The following NALF1 variants were observed in gnomAD, a reference collection of about 807,000 sequenced individuals.
The protein encoded by NALF1 is family with sequence similarity 155 member A.
A neutral mutation model predicts 48.4 loss-of-function variants in NALF1; 3 were observed. That is an observed-to-expected ratio of 0.06 (90% CI 0.03 to 0.16). The LOEUF (loss-of-function observed/expected upper bound fraction) is 0.16, where lower values mean the gene tolerates loss of function less well. Ranked by LOEUF, NALF1 falls within the 10% of genes least tolerant of loss-of-function variation. NALF1 has a pLI of 1.00. For synonymous variants in NALF1, 262 were observed against 245.7 expected (o/e 1.07, Z -0.62); for missense variants, 526 against 571.5 (o/e 0.92, Z 0.81).
chr13:107,403,376 CA>C (rs1566327433), intron 1 of NALF1, among the ~76,000 whole-genome samples: 2 of 151,574 alleles, frequency 1.3e-5, no homozygotes, highest in East Asian at 3.9e-4. Context: ...TCTGACAGAG[CA>C]AATTTTCAGT....
chr13:107,836,249 C>T (rs1879885653), intron 1 of NALF1, among the ~76,000 whole-genome samples: 1 of 152,118 alleles, frequency 6.6e-6, no homozygotes, highest in South Asian at 2.1e-4. Context: ...CCTTGGCATC[C>T]TAAAGTTCTG....
intron 1 of NALF1, among the ~76,000 whole-genome samples, chr13:107,388,278 A>G (rs1280225088): frequency 6.6e-6 from 1 of 152,228 alleles, no homozygotes; most frequent in Non-Finnish European, 1.5e-5. Context: ...TATGCAGAAT[A>G]CTTTATGTCT....
chr13:107,541,166 C>T (rs1876988355), intron 1 of NALF1, among the ~76,000 whole-genome samples: 1 of 152,058 alleles, frequency 6.6e-6, no homozygotes, highest in Non-Finnish European at 1.5e-5. Context: ...ATTCAACTGT[C>T]AAAAAATAAA....
At chr13:107,296,261 G>A (rs909281872) in intron 1 of NALF1, among the ~76,000 whole-genome samples, 4 of 152,278 alleles carry the variant, frequency 2.6e-5, no homozygotes, top group South Asian at 4.1e-4. Context: ...GATTTAATCC[G>A]TGATAGTGTT....
At chr13:107,617,609 A>G (rs1457767084) in intron 1 of NALF1, among the ~76,000 whole-genome samples, 2 of 152,218 alleles carry the variant, frequency 1.3e-5, no homozygotes, top group Non-Finnish European at 2.9e-5. Flanking sequence ...TTGAGAAGAC[A>G]ACAACTAACT....
chr13:107,561,527 T>C (rs1031081970), intron 1 of NALF1, among the ~76,000 whole-genome samples: 7 of 152,180 alleles, frequency 4.6e-5, no homozygotes, highest in African/African-American at 7.2e-5. Context: ...TCAGCAATGG[T>C]AATTCTGAAT....
intron 1 of NALF1, among the ~76,000 whole-genome samples, chr13:107,662,412 A>T (rs1409431387): frequency 6.6e-6 from 1 of 152,210 alleles, no homozygotes; most frequent in Non-Finnish European, 1.5e-5. Flanking sequence ...TATTTAGCAG[A>T]CTTTTAAAAG....
At chr13:107,303,777 C>G (rs963491) in intron 1 of NALF1, among the ~76,000 whole-genome samples, 151,902 of 152,304 alleles carry the variant, frequency 1, 75,750 homozygotes, top group Middle Eastern at 1. Context: ...TTAGAAAAAG[C>G]CCACTCAAAA....
intron 1 of NALF1, among the ~76,000 whole-genome samples, chr13:107,760,753 T>A (rs1877239299): frequency 6.6e-6 from 1 of 152,168 alleles, no homozygotes. Context: ...GGTAACAGGA[T>A]GTGTTTTCCT....
intron 1 of NALF1, among the ~76,000 whole-genome samples, chr13:107,618,356 G>A (rs999602685): frequency 2.0e-5 from 3 of 152,210 alleles, no homozygotes; most frequent in Non-Finnish European, 4.4e-5. Flanking sequence ...TGAGCAAAGG[G>A]AGGAGGTTGA....
intron 1 of NALF1, among the ~76,000 whole-genome samples, chr13:107,658,675 A>G (rs1176364175): frequency 6.6e-6 from 1 of 151,972 alleles, no homozygotes; most frequent in African/African-American, 2.4e-5. Flanking sequence ...GTAGCTTTGT[A>G]TTGCTCTAAA....
At chr13:107,623,273 T>C (rs1879576804) in intron 1 of NALF1, among the ~76,000 whole-genome samples, 1 of 152,198 alleles carries the variant, frequency 6.6e-6, no homozygotes, top group Non-Finnish European at 1.5e-5. Context: ...TACCATGACT[T>C]CTCTGTATAG....
intron 1 of NALF1, among the ~76,000 whole-genome samples, chr13:107,329,847 T>C (rs1452835911): frequency 6.6e-6 from 1 of 152,198 alleles, no homozygotes; most frequent in Non-Finnish European, 1.5e-5. Context: ...TCATTTTTTA[T>C]GGCTGCATAG....
chr13:107,655,469 T>C (rs1880552749), intron 1 of NALF1, among the ~76,000 whole-genome samples: 1 of 152,012 alleles, frequency 6.6e-6, no homozygotes, highest in South Asian at 2.1e-4. Context: ...AAAAGACCTC[T>C]ACAAGGAAAA....
chr13:107,794,760 A>G (rs530857804), intron 1 of NALF1, among the ~76,000 whole-genome samples: 4 of 152,118 alleles, frequency 2.6e-5, no homozygotes, highest in Admixed American at 2.0e-4. Context: ...AACTTCTACC[A>G]CATAGGAAGC....
At chr13:107,462,379 A>G (rs1353199382) in intron 1 of NALF1, among the ~76,000 whole-genome samples, 1 of 152,230 alleles carries the variant, frequency 6.6e-6, no homozygotes, top group African/African-American at 2.4e-5. Flanking sequence ...TGCATATTAC[A>G]TATATTTGAA....
intron 1 of NALF1, among the ~76,000 whole-genome samples, chr13:107,215,938 G>A (rs893993304): frequency 9.9e-5 from 15 of 152,110 alleles, no homozygotes; most frequent in African/African-American, 3.6e-4. Flanking sequence ...GTAGAAGATT[G>A]CTAATGTAAA....
intron 1 of NALF1, among the ~76,000 whole-genome samples, chr13:107,686,506 G>A (rs1459762042): frequency 6.6e-6 from 1 of 152,044 alleles, no homozygotes; most frequent in African/African-American, 2.4e-5. Context: ...CAATTCTCCT[G>A]CCTCAGCCTC....
rs747731801 is a variant in NALF1, at chr13:107,598,343, T to C, written c.915+267339A>G. On this transcript the variant is annotated intron_variant, in intron 1 of 2. Transcript: ENST00000375915. ...TTCTTAATACACGAGTAGCTCAAGA[T>C]TCAGAACTGAAATGCCTATGCTCAT... is the stretch of plus-strand genomic sequence containing the variant. 1.2e-4 allele frequency among the ~76,000 whole-genome samples: 18 copies of C among 152,304 alleles called. No homozygotes were observed. The South Asian group carries it at 1.9e-3, about 16-fold the overall frequency.
Sources: allele counts gnomAD v4.1 joint callset (sites outside exome capture counted in the v4.1 genomes callset), GRCh38; gene constraint gnomAD v4.1.1; transcripts MANE v1.5; gene names NCBI Gene and HGNC (gene_info 2026-07-23, HGNC 2026-07-21).